The following GPATCH8 variants were observed in gnomAD, a reference collection of about 807,000 sequenced individuals.
The protein encoded by GPATCH8 is G patch domain-containing protein 8.
In GPATCH8, 18 loss-of-function variants were observed where a neutral mutation model predicts 118.3. The ratio of observed to expected loss-of-function variants is 0.15; its 90% CI spans 0.11 to 0.23. The LOEUF (loss-of-function observed/expected upper bound fraction) is 0.23. Ranked by LOEUF, GPATCH8 falls within the 10% of genes least tolerant of loss-of-function variation. The probability of loss-of-function intolerance (pLI) is 1.00; values close to 1 mark genes in which losing one functional copy is unlikely to be tolerated. For missense variants in GPATCH8, 1,631 were observed against 1,873.8 expected (o/e 0.87, Z 2.39); for synonymous variants, 659 against 684.7 (o/e 0.96, Z 0.59).
rs147155946 is a variant in GPATCH8, at chr17:44,399,205, C to A, written c.2872G>T (p.Gly958Cys). 6.2e-7 allele frequency: 1 copy of A among 1,613,766 alleles called. No homozygotes were observed. The change falls in exon 8 of 8, where the codon GGC becomes TGC. Residue 958 changes from glycine to cysteine, a missense_variant. Coordinates refer to ENST00000591680, the MANE Select transcript of GPATCH8 (RefSeq NM_001002909.4). Reference sequence around the variant, plus strand: ...CTACAACTGCTGCTGCGGCTGCGGCCCCGGGATCTTGAGCGCTCTCTGGTA... The same window carrying A: ...CTACAACTGCTGCTGCGGCTGCGGCACCGGGATCTTGAGCGCTCTCTGGTA... ...SHTRERSRSR[G>C]RSRSSSCSRS... is the part of the protein sequence containing the mutation.
At chr17:44,503,247 A>G (rs1970230218) in intron 1 of GPATCH8, 79 bp downstream of exon 1, 27 of 1,280,456 alleles carry the variant, frequency 2.1e-5, no homozygotes, top group Non-Finnish European at 2.7e-5. Flanking sequence ...GGAAGGAAAG[A>G]GGGCTGGGAG....
chr17:44,484,539 G>A (rs934333519), intron 1 of GPATCH8, among the ~76,000 whole-genome samples: 2 of 152,196 alleles, frequency 1.3e-5, no homozygotes, highest in African/African-American at 2.4e-5. Context: ...CACCAGGTGG[G>A]TAGGTAGTAA....
At chr17:44,458,758 A>C (rs1450999097) in intron 3 of GPATCH8, among the ~76,000 whole-genome samples, 1 of 152,162 alleles carries the variant, frequency 6.6e-6, no homozygotes, top group Non-Finnish European at 1.5e-5. Flanking sequence ...CCTTGGCCTC[A>C]AGTGATCTTC....
intron 1 of GPATCH8, among the ~76,000 whole-genome samples, chr17:44,481,978 C>T (rs1470460947): frequency 2.0e-5 from 3 of 151,872 alleles, no homozygotes; most frequent in African/African-American, 4.8e-5. Context: ...AAAAATTAGC[C>T]GGGTGTGGTA....
chr17:44,489,802 C>A (rs1445381611), intron 1 of GPATCH8, among the ~76,000 whole-genome samples: 1 of 152,160 alleles, frequency 6.6e-6, no homozygotes, highest in Non-Finnish European at 1.5e-5. Context: ...CACCTCCCCA[C>A]CAAAATTGAG....
chr17:44,494,722 T>C (rs1969534322), intron 1 of GPATCH8, among the ~76,000 whole-genome samples: 1 of 152,204 alleles, frequency 6.6e-6, no homozygotes, highest in Admixed American at 6.5e-5. Context: ...ACTATATGGG[T>C]ATAGCACATC....
At chr17:44,465,955 AT>A (rs2051746577) in intron 2 of GPATCH8, 6 of 152,302 alleles carry the variant, frequency 3.9e-5, no homozygotes, top group Non-Finnish European at 8.8e-5. Flanking sequence ...CTGTAAGTTT[AT>A]GACAGCATGC....
intron 6 of GPATCH8, among the ~76,000 whole-genome samples, chr17:44,422,768 G>A (rs946197214): frequency 2.0e-5 from 3 of 151,250 alleles, no homozygotes; most frequent in Non-Finnish European, 2.9e-5. Flanking sequence ...GTGAGCCACC[G>A]CACCCGGCCG....
intron 6 of GPATCH8, among the ~76,000 whole-genome samples, chr17:44,413,672 C>T (rs1363006631): frequency 6.6e-6 from 1 of 151,902 alleles, no homozygotes; most frequent in Non-Finnish European, 1.5e-5. Context: ...TGCTCTTTTG[C>T]CCGGAATGCA....
chr17:44,418,702 C>T (rs1247804293), intron 6 of GPATCH8, among the ~76,000 whole-genome samples: 1 of 152,114 alleles, frequency 6.6e-6, no homozygotes, highest in Non-Finnish European at 1.5e-5. Flanking sequence ...CCGCCAGCCT[C>T]GGCCTCCCAA....
At chr17:44,422,551 G>A (rs564905097) in intron 6 of GPATCH8, among the ~76,000 whole-genome samples, 2 of 151,598 alleles carry the variant, frequency 1.3e-5, no homozygotes, top group Non-Finnish European at 2.9e-5. Context: ...GTGCAGTGGT[G>A]CGATCTCGGC....
intron 1 of GPATCH8, among the ~76,000 whole-genome samples, chr17:44,502,124 C>CATAA (rs769799694): frequency 2.2e-4 from 34 of 152,274 alleles, no homozygotes; most frequent in Non-Finnish European, 3.7e-4. Flanking sequence ...TTCTCATAAG[C>CATAA]GTTCTATGTA....
Position 44,400,851 on chromosome 17 carries a change from G to A in GPATCH8, c.1226C>T (p.Pro409Leu). ...ACTGGCTCTCATAAAAAGTAGAAAG[G>A]GAAAATTAGGTTTTACTTTGCAGTG... ...PAHCKVKPNF[P>L]FLLFMRASEQ... The change falls in exon 8 of 8, where the codon CCC becomes CTC. Residue 409 changes from proline (P) to leucine (L), a missense_variant. This residue lies in a region of GPATCH8 where 405 missense variants were observed against 462.7 expected (regional missense o/e 0.88). Transcript: ENST00000591680. The A allele has an allele frequency of 6.2e-7, 1 of 1,614,024 alleles. No individual in the cohort carries two copies. The highest frequency in any genetic ancestry group is 8.5e-7 in the Non-Finnish European group (1 of 1,179,904).
At chr17:44,453,498 G>GTGCGTGTGTGT (rs1298562128) in intron 3 of GPATCH8, among the ~76,000 whole-genome samples, 1 of 130,092 alleles carries the variant, frequency 7.7e-6, no homozygotes, top group Non-Finnish European at 1.6e-5. Context: ...TAGGTAGGTA[G>GTGCGTGTGTGT]GGGTGTGTGT....
chr17:44,486,551 C>T (rs1293702049), intron 1 of GPATCH8: 2 of 152,114 alleles, frequency 1.3e-5, no homozygotes, highest in Non-Finnish European at 2.9e-5. Flanking sequence ...AGTCTGATAG[C>T]CTGGTCACAG....
intron 5 of GPATCH8, among the ~76,000 whole-genome samples, chr17:44,425,180 A>C (rs781150939): frequency 1.3e-5 from 2 of 152,224 alleles, no homozygotes; most frequent in Non-Finnish European, 2.9e-5. Context: ...TTCATTTGCT[A>C]ATGTCGCACA....
intron 5 of GPATCH8, among the ~76,000 whole-genome samples, chr17:44,429,687 A>ACACACACACACACACAC (rs58829323): frequency 6.5e-4 from 48 of 73,728 alleles, no homozygotes; most frequent in East Asian, 4.3e-3. Context: ...CACACACACA[A>ACACACACACACACACAC]AACAACAAAC....
In GPATCH8 at chr17:44,396,165, AG is replaced by A. The variant is rs1341517253; in HGVS notation, c.*1402del. 2.2e-6 allele frequency: 1 copy of A among 454,482 alleles called. No individual in the cohort carries two copies. Among genetic ancestry groups the A allele is most frequent in the Admixed American group, 2.3e-5 (1 of 42,560 alleles). The allele number at this position is 454,482 out of a possible 1,614,324, so 28.2% of individuals were successfully genotyped here. ...GGCACATTAAAAAAAAAATTGTCAG[AG>A]GGGGCTAAGTACTAGGAAGGCAAAT... On this transcript the variant is annotated 3_prime_UTR_variant, in exon 8 of 8. Coordinates refer to ENST00000591680, the MANE Select transcript of GPATCH8 (RefSeq NM_001002909.4).
In GPATCH8 at chr17:44,400,447, C is replaced by G; in HGVS notation, c.1630G>C (p.Asp544His). The G allele has an allele frequency of 6.2e-7, 1 of 1,614,178 alleles. No homozygotes were observed. Among genetic ancestry groups the G allele is most frequent in the South Asian group, 1.1e-5 (1 of 91,080 alleles). Residue 544 changes from aspartate to histidine, a missense_variant, in exon 8 of 8, where the codon GAT becomes CAT. Around this residue, in one of 8 missense-constraint regions of GPATCH8, gnomAD observed 405 missense variants for 462.7 expected, o/e 0.88. Coordinates refer to ENST00000591680, the MANE Select transcript of GPATCH8 (RefSeq NM_001002909.4). ...GGCCACTGGAGGGCAGTGCTTTCAT[C>G]TTTGCTCAAAACTGGGAAGAAGGGA... The part of the protein sequence containing the change: ...TGPFFPVLSK[D>H]ESTALQWPSE...
Sources: allele counts gnomAD v4.1 joint callset (sites outside exome capture counted in the v4.1 genomes callset), GRCh38; gene constraint gnomAD v4.1.1; regional missense constraint gnomAD v4.1.1; transcripts MANE v1.5; gene names NCBI Gene and HGNC (gene_info 2026-07-23, HGNC 2026-07-21).